The following NT5C variants were observed in gnomAD, a reference collection of about 807,000 sequenced individuals.
NT5C encodes the protein 5'(3')-deoxyribonucleotidase, cytosolic type.
In NT5C, 14 loss-of-function variants were observed where a neutral mutation model predicts 17.6. The ratio of observed to expected loss-of-function variants is 0.79; its 90% confidence interval spans 0.52 to 1.24. The LOEUF (loss-of-function observed/expected upper bound fraction) is 1.24. NT5C is among the 50% of genes most tolerant of loss of function. NT5C has a pLI of 0.00. For missense variants in NT5C, 328 were observed against 278.3 expected, an observed-to-expected ratio of 1.18 and a Z score of -1.27; for synonymous variants, 153 against 119.2, an observed-to-expected ratio of 1.28 and a Z score of -1.85.
rs774074569 is a variant in NT5C at position 75,130,541 on chromosome 17, C to G, written c.553G>C (p.Asp185His). The change falls in exon 5 of 5, where the codon GAC becomes CAC. Residue 185 changes from aspartate (D) to histidine (H), a missense_variant. Asp to His is a moderately conservative substitution (Grantham distance 81, BLOSUM62 -1). Coordinates refer to ENST00000245552, the MANE Select transcript of NT5C (RefSeq NM_014595.3). ...CTATCTAAGATCTCCCTCCAGTTGTCACTCCAGGAGAGCAGCCGTCTCCTT... is the reference window on the plus strand; with the variant it reads ...CTATCTAAGATCTCCCTCCAGTTGTGACTCCAGGAGAGCAGCCGTCTCCTT... ...PTRRRLLSWSDNWREILDSKR... is the reference protein window; with the variant it reads ...PTRRRLLSWSHNWREILDSKR... 32 of 1,614,220 alleles carry G rather than the reference C, an allele frequency of 2.0e-5. No individual in the cohort carries two copies. Among genetic ancestry groups the G allele is most frequent in the Middle Eastern group, 1.6e-4 (1 of 6,062 alleles).
chr17:75,130,478 G>GCATCCCCGCT lies in NT5C; in HGVS notation c.606_*9dup, dbSNP rs2145141060. The GCATCCCCGCT allele has an allele frequency of 1.9e-6, 3 of 1,612,562 alleles. No individual in the cohort carries two copies. In the East Asian group the frequency reaches 6.7e-5, roughly 36 times the overall value. On this transcript the variant is annotated 3_prime_UTR_variant, in exon 5 of 5. Transcript: ENST00000245552. Reference sequence around the variant, plus strand: ...CCTTTAGCTCCAGCTGCTGCCCGCGGCATCCCCGCTCATTCCCGCTGCGCA... The same window carrying GCATCCCCGCT: ...CCTTTAGCTCCAGCTGCTGCCCGCGGCATCCCCGCTCATCCCCGCTCATTCCCGCTGCGCA...
Position 75,130,613 on chromosome 17 carries a change from T to C in NT5C, c.481A>G (p.Ile161Val). The stretch of plus-strand genomic sequence containing the variant: ...CGATTGTGGCAGCAGGTGAACAAGA[T>C]GTGCTCCCAGCTTGGGGTCTCCTCC... ...GQEETPSWEHILFTCCHNRHL... is the reference protein window; with the variant it reads ...GQEETPSWEHVLFTCCHNRHL... Residue 161 changes from isoleucine to valine, a missense_variant, in exon 5 of 5, where the codon ATC becomes GTC. By Grantham distance (29) the Ile-to-Val change is conservative. Coordinates refer to ENST00000245552, the MANE Select transcript of NT5C (RefSeq NM_014595.3). The C allele has an allele frequency of 1.2e-6, 2 of 1,613,040 alleles. No homozygotes were observed. The highest frequency in any genetic ancestry group is 4.5e-5 in the East Asian group (2 of 44,764).
In NT5C at chr17:75,130,558, C is replaced by A. The variant is rs146547379; in HGVS notation, c.536G>T (p.Arg179Leu). Residue 179 changes from arginine to leucine, a missense_variant, in exon 5 of 5, where the codon CGG becomes CTG. Transcript: ENST00000245552. The stretch of plus-strand genomic sequence containing the variant: ...CCAGTTGTCACTCCAGGAGAGCAGC[C>A]GTCTCCTTGTCGGGGGCAGGACCAG... Reference protein sequence around the residue: ...RHLVLPPTRRRLLSWSDNWRE... With the variant: ...RHLVLPPTRRLLLSWSDNWRE... 64 of 1,614,088 alleles carry A rather than the reference C, an allele frequency of 4.0e-5. No homozygotes were observed. The highest frequency in any genetic ancestry group is 5.3e-5 in the Non-Finnish European group (63 of 1,180,032).
In NT5C at chr17:75,130,484, C is replaced by G. The variant is rs375742971; in HGVS notation, c.*4G>C. ...GCTCCAGCTGCTGCCCGCGGCATCC[C>G]CGCTCATTCCCGCTGCGCAGCTCCG... On this transcript the variant is annotated 3_prime_UTR_variant, in exon 5 of 5. Coordinates refer to ENST00000245552, the MANE Select transcript of NT5C (RefSeq NM_014595.3). 1 of 1,613,068 alleles carries G rather than the reference C, an allele frequency of 6.2e-7. No homozygotes were observed. Among genetic ancestry groups the G allele is most frequent in the Non-Finnish European group, 8.5e-7 (1 of 1,179,642 alleles).
rs1364507468 is a variant in NT5C, at chr17:75,130,529, C to G, written c.565G>C (p.Glu189Gln). The part of the protein sequence containing the change: ...RLLSWSDNWR[E>Q]ILDSKRGAAQ... ...GCTCCGCGCTTGCTATCTAAGATCT[C>G]CCTCCAGTTGTCACTCCAGGAGAGC... The change falls in exon 5 of 5, where the codon GAG becomes CAG. Residue 189 changes from glutamate to glutamine, a missense_variant. Glu to Gln is a conservative substitution (Grantham distance 29, BLOSUM62 2). Transcript: ENST00000245552. The G allele has an allele frequency of 1.9e-6, 3 of 1,614,206 alleles. No individual in the cohort carries two copies. The highest frequency in any genetic ancestry group is 1.1e-5 in the South Asian group (1 of 91,088).
chr17:75,131,045 C>T lies in NT5C; in HGVS notation c.336G>A (p.Lys112=). 2 of 1,612,286 alleles carry T rather than the reference C, an allele frequency of 1.2e-6. No individual in the cohort carries two copies. Among genetic ancestry groups the T allele is most frequent in the Non-Finnish European group, 1.7e-6 (2 of 1,179,412 alleles). Reference sequence around the variant, plus strand: ...CGGAGTAGGGGCGGGGCAGCCACACCTTCTCACCCACACAGTGGTGGTACT... The same window carrying T: ...CGGAGTAGGGGCGGGGCAGCCACACTTTCTCACCCACACAGTGGTGGTACT... ...LLKYHHCVGE[K]YRWVEQHLGP... Residue 112 remains lysine (K), a splice_region_variant and synonymous_variant, in exon 3 of 5, where the codon AAG becomes AAA. Transcript: ENST00000245552.
chr17:75,131,016 C>A (rs749194876), intron 3 of NT5C, 29 bp downstream of exon 3: 34 of 1,609,394 alleles, frequency 2.1e-5, no homozygotes, highest in Middle Eastern at 1.6e-4. Context: ...GGCAGCTCCA[C>A]GTGCGGAGTA....
At chr17:75,130,671 A>T (rs761702249) in intron 4 of NT5C, 29 bp from the exon 5 acceptor site, 2 of 1,613,984 alleles carry the variant, frequency 1.2e-6, no homozygotes, top group South Asian at 2.2e-5. Flanking sequence ...GCGCGCTGCC[A>T]TCTGTCATGG....
intron 3 of NT5C, 67 bp downstream of exon 3, chr17:75,130,978 G>C: frequency 6.2e-7 from 1 of 1,600,992 alleles, no homozygotes; most frequent in Non-Finnish European, 8.5e-7. Context: ...CTGGGTTTCT[G>C]GTGGTTTCTT....
chr17:75,130,494 C>T lies in NT5C; in HGVS notation c.600G>A (p.Arg200=). The T allele has an allele frequency of 6.2e-7, 1 of 1,614,064 alleles. No homozygotes were observed. Among genetic ancestry groups the T allele is most frequent in the African/African-American group, 1.3e-5 (1 of 75,076 alleles). Residue 200 remains arginine (R), a synonymous_variant, in exon 5 of 5, where the codon CGG becomes CGA. Transcript: ENST00000245552. ...ILDSKRGAAQ[R]E ...CTGCCCGCGGCATCCCCGCTCATTC[C>T]CGCTGCGCAGCTCCGCGCTTGCTAT...
In NT5C at chr17:75,131,170, T is replaced by G; in HGVS notation, c.275+11A>C. Reference sequence around the variant, plus strand: ...CCGCCCAGGACTCCGCCCGCCCCCCTCTCTCCTTACTCCGGTAGGTCGTTC... The same window carrying G: ...CCGCCCAGGACTCCGCCCGCCCCCCGCTCTCCTTACTCCGGTAGGTCGTTC... On this transcript the variant is annotated intron_variant, in intron 2 of 4. Coordinates refer to ENST00000245552, the MANE Select transcript of NT5C (RefSeq NM_014595.3). 6.2e-7 allele frequency: 1 copy of G among 1,612,770 alleles called. No individual in the cohort carries two copies. The highest frequency in any genetic ancestry group is 8.5e-7 in the Non-Finnish European group (1 of 1,179,704).
rs1268361860 is a variant in NT5C, at chr17:75,130,505, C to G, written c.589G>C (p.Ala197Pro). 1 of 1,613,982 alleles carries G rather than the reference C, an allele frequency of 6.2e-7. No individual in the cohort carries two copies. Among genetic ancestry groups the G allele is most frequent in the Middle Eastern group, 1.6e-4 (1 of 6,080 alleles). Reference protein sequence around the residue: ...WREILDSKRGAAQRE With the variant: ...WREILDSKRGPAQRE Reference sequence around the variant, plus strand: ...ATCCCCGCTCATTCCCGCTGCGCAGCTCCGCGCTTGCTATCTAAGATCTCC... The same window carrying G: ...ATCCCCGCTCATTCCCGCTGCGCAGGTCCGCGCTTGCTATCTAAGATCTCC... Residue 197 changes from alanine to proline, a missense_variant, in exon 5 of 5, where the codon GCT becomes CCT. Coordinates refer to ENST00000245552, the MANE Select transcript of NT5C (RefSeq NM_014595.3).
intron 1 of NT5C, 124 bp downstream of exon 1, chr17:75,131,410 T>G: frequency 7.2e-7 from 1 of 1,390,998 alleles, no homozygotes. Context: ...GCCCAAAGGC[T>G]CCTCCCCAGG....
At chr17:75,131,505 T>C in intron 1 of NT5C, 29 bp downstream of exon 1, 2 of 1,427,578 alleles carry the variant, frequency 1.4e-6, no homozygotes, top group Non-Finnish European at 1.8e-6. Flanking sequence ...GAGCGGGCCC[T>C]GCCCGGGTGG....
rs759861363 is a variant in NT5C, at chr17:75,130,685, T to A, written c.452-43A>T. The A allele has an allele frequency of 3.1e-6, 5 of 1,613,970 alleles. No homozygotes were observed. In the East Asian group the frequency reaches 1.1e-4, roughly 36 times the overall value. On this transcript the variant is annotated intron_variant, in intron 4 of 4. Coordinates refer to ENST00000245552, the MANE Select transcript of NT5C (RefSeq NM_014595.3). ...AGCGCGCTGCCATCTGTCATGGGTATTATTACTCCCTCTCCCTAATCCGGG... is the reference window on the plus strand; with the variant it reads ...AGCGCGCTGCCATCTGTCATGGGTAATATTACTCCCTCTCCCTAATCCGGG...
intron 1 of NT5C, 70 bp downstream of exon 1, chr17:75,131,462 TCA>T: frequency 7.0e-7 from 1 of 1,428,452 alleles, no homozygotes; most frequent in African/African-American, 1.4e-5. Flanking sequence ...TCTGCGCCCT[TCA>T]CAGAGAAGGG....
chr17:75,130,313 G>A lies in NT5C; in HGVS notation c.*175C>T, dbSNP rs933738302. On this transcript the variant is annotated 3_prime_UTR_variant, in exon 5 of 5. Transcript: ENST00000245552. ...AGCCAGGGTCCAGGGACAGCCTCTCGGGAGGTACCGGGTGGCTGGGCCTGG... is the reference window on the plus strand; with the variant it reads ...AGCCAGGGTCCAGGGACAGCCTCTCAGGAGGTACCGGGTGGCTGGGCCTGG... 5.7e-6 allele frequency: 4 copies of A among 703,432 alleles called. No homozygotes were observed. Among genetic ancestry groups the A allele is most frequent in the Admixed American group, 2.6e-5 (1 of 38,042 alleles). 43.6% of individuals were successfully genotyped at this position (703,432 alleles called of 1,614,324 possible).
In NT5C at chr17:75,131,211, T is replaced by A; in HGVS notation, c.245A>T (p.Asp82Val). Reference protein sequence around the residue: ...LDLEPIPGALDAVREMNDLPD... With the variant: ...LDLEPIPGALVAVREMNDLPD... ...TAGGTCGTTCATCTCCCGCACAGCG[T>A]CCAAGGCTCCCGGGATGGGCTCCAG... The change falls in exon 2 of 5, where the codon GAC becomes GTC. Residue 82 changes from aspartate to valine, a missense_variant. By Grantham distance (152) the Asp-to-Val change is radical (BLOSUM62 -3). Transcript: ENST00000245552. The A allele has an allele frequency of 6.2e-7, 1 of 1,613,890 alleles. No individual in the cohort carries two copies. The highest frequency in any genetic ancestry group is 1.1e-5 in the South Asian group (1 of 91,080).
chr17:75,131,260 C>T lies in NT5C; in HGVS notation c.196G>A (p.Glu66Lys). The T allele has an allele frequency of 3.7e-6, 6 of 1,614,004 alleles. No individual in the cohort carries two copies. Among genetic ancestry groups the T allele is most frequent in the Non-Finnish European group, 5.1e-6 (6 of 1,180,014 alleles). Residue 66 changes from glutamate (E) to lysine (K), a missense_variant, in exon 2 of 5, where the codon GAA becomes AAA. Glu to Lys is a moderately conservative substitution (Grantham distance 56, BLOSUM62 1). Transcript: ENST00000245552. ...AGGTCCAGGAAAAAGCCCGGGGCTT[C>T]GTACACACTGGCCACTTTATCCTGA... is the stretch of plus-strand genomic sequence containing the variant. ...DLADKVASVY[E>K]APGFFLDLEP...
Sources: allele counts gnomAD v4.1 joint callset, GRCh38; gene constraint gnomAD v4.1.1; transcripts MANE v1.5; gene names NCBI Gene and HGNC (gene_info 2026-07-23, HGNC 2026-07-21).